BCL2L1: variants seen among roughly 807,000 people sequenced by gnomAD.
BCL2L1 encodes bcl-2-like protein 1.
BCL2L1 carries 1 observed loss-of-function variant against 18.7 expected under a neutral mutation model. The observed-to-expected ratio is 0.05, with a 90% CI of 0.02 to 0.25. BCL2L1 has a LOEUF of 0.25. Ranked by LOEUF, BCL2L1 falls within the 10% of genes least tolerant of loss-of-function variation. The pLI, the probability that BCL2L1 is intolerant of heterozygous loss-of-function variation, is 1.00. For synonymous variants in BCL2L1, 103 were observed against 122.7 expected (o/e 0.84, Z 1.06); for missense variants, 207 against 304.9 (o/e 0.68, Z 2.39).
rs145474847 is a variant in BCL2L1 at position 31,667,529 on chromosome 20, A to C, written c.565-1443T>G. Among the ~76,000 whole-genome samples the C allele has an allele frequency of 1.4e-3, 134 of 94,428 alleles. 3 individuals carry two copies. The East Asian group carries it at 0.025, about 18-fold the overall frequency. The allele number at this position is 94,428 out of a possible 152,430, so 61.9% of individuals were successfully genotyped here. A position where few individuals can be genotyped will look rare whatever the true frequency, so the allele number is the denominator to read the frequency against. The stretch of plus-strand genomic sequence containing the variant: ...TGTGTGTGTGTAAAATGAATGAGTT[A>C]CTGGCTGGTTCTTGCCTCTCTACCA... On this transcript the variant is annotated intron_variant, in intron 2 of 2. Coordinates refer to ENST00000307677, the MANE Select transcript of BCL2L1 (RefSeq NM_138578.3).
At chr20:31,688,904 C>T (rs2061008464) in intron 2 of BCL2L1, among the ~76,000 whole-genome samples, 1 of 152,102 alleles carries the variant, frequency 6.6e-6, no homozygotes, top group Non-Finnish European at 1.5e-5. Context: ...ATATTTGCAT[C>T]CTATGACAAC....
At chr20:31,676,384 G>GC (rs2060761461) in intron 2 of BCL2L1, among the ~76,000 whole-genome samples, 1 of 152,150 alleles carries the variant, frequency 6.6e-6, no homozygotes, top group Non-Finnish European at 1.5e-5. Flanking sequence ...GGTCACAGAG[G>GC]CCACAAGTGG....
rs746078107 is a variant in BCL2L1 at position 31,719,328 on chromosome 20, T to C, written c.564+2327A>G. On this transcript the variant is annotated intron_variant, in intron 2 of 2. Transcript: ENST00000307677. ...ATTTAGAACATAGCCCTGAGTAGAA[T>C]AGCCCATAACTCCTACCCTTAAGGA... 1.2e-4 allele frequency among the ~76,000 whole-genome samples: 18 copies of C among 152,126 alleles called. 1 individual carries two copies. The highest frequency in any genetic ancestry group is 8.3e-4 in the South Asian group (4 of 4,832).
chr20:31,671,248 G>A (rs894558496), intron 2 of BCL2L1, among the ~76,000 whole-genome samples: 1 of 152,056 alleles, frequency 6.6e-6, no homozygotes, highest in Admixed American at 6.5e-5. Flanking sequence ...TTCCACTGCT[G>A]GTTTGTAGTA....
In BCL2L1 at chr20:31,665,821, C is replaced by G; in HGVS notation, c.*128G>C. 10 of 1,311,902 alleles carry G rather than the reference C, an allele frequency of 7.6e-6. No individual in the cohort carries two copies. The highest frequency in any genetic ancestry group is 1.1e-5 in the Non-Finnish European group (10 of 952,010). The allele number at this position is 1,311,902 out of a possible 1,614,324, so 81.3% of individuals were successfully genotyped here. On this transcript the variant is annotated 3_prime_UTR_variant, in exon 3 of 3. Transcript: ENST00000307677. ...AGCTGCAAGGGACCAGATCTGGGCC[C>G]AACCCTGTGATGGGCAGGTGGGCAT...
chr20:31,689,633 G>T (rs1240321705), intron 2 of BCL2L1, among the ~76,000 whole-genome samples: 1 of 152,096 alleles, frequency 6.6e-6, no homozygotes, highest in Admixed American at 6.5e-5. Context: ...TCTCTTCCAT[G>T]CCTGCTAAGA....
chr20:31,664,795 T>A lies in BCL2L1; in HGVS notation c.*1154A>T. 4.5e-6 allele frequency: 1 copy of A among 222,396 alleles called. No homozygotes were observed. Among genetic ancestry groups the A allele is most frequent in the Non-Finnish European group, 9.0e-6 (1 of 110,738 alleles). The allele number at this position is 222,396 out of a possible 1,614,324, so 13.8% of individuals were successfully genotyped here. A position where few individuals can be genotyped will look rare whatever the true frequency, so the allele number is the denominator to read the frequency against. On this transcript the variant is annotated 3_prime_UTR_variant, in exon 3 of 3. Transcript: ENST00000307677. ...GAGAGCCCGGGGTGGCTGGGACCCC[T>A]GGGGATGAGACAGGCCAAGGGTGGA...
chr20:31,720,881 AAGTAAC>A (rs1440493320), intron 2 of BCL2L1: 1 of 985,288 alleles, frequency 1.0e-6, no homozygotes, highest in Non-Finnish European at 1.2e-6. Flanking sequence ...TCTGGCCGGA[AAGTAAC>A]AGGCAGAGCA....
intron 2 of BCL2L1, among the ~76,000 whole-genome samples, chr20:31,688,261 T>C (rs554741971): frequency 1.3e-5 from 2 of 151,782 alleles, no homozygotes; most frequent in Admixed American, 6.6e-5. Context: ...CTGGCGAACA[T>C]AGCAAAACCC....
At chr20:31,692,085 T>C (rs1035692562) in intron 2 of BCL2L1, among the ~76,000 whole-genome samples, 3 of 152,226 alleles carry the variant, frequency 2.0e-5, no homozygotes, top group Non-Finnish European at 4.4e-5. Flanking sequence ...AGCTGAGAAG[T>C]TGTTAGAAGT....
intron 2 of BCL2L1, among the ~76,000 whole-genome samples, chr20:31,683,133 G>C (rs958019203): frequency 4.6e-5 from 7 of 152,080 alleles, no homozygotes; most frequent in African/African-American, 1.7e-4. Flanking sequence ...ATCTCACCCA[G>C]AGGAAGAACC....
At chr20:31,688,228 G>C (rs1600817745) in intron 2 of BCL2L1, among the ~76,000 whole-genome samples, 2 of 152,194 alleles carry the variant, frequency 1.3e-5, no homozygotes, top group African/African-American at 2.4e-5. Flanking sequence ...TGGATCACCT[G>C]AAGTCTGGAG....
intron 2 of BCL2L1, among the ~76,000 whole-genome samples, chr20:31,696,638 A>G (rs1314928290): frequency 6.6e-6 from 1 of 152,216 alleles, no homozygotes; most frequent in African/African-American, 2.4e-5. Context: ...GAGGCCAGAC[A>G]CTGCTGGCTA....
chr20:31,723,539 C>T, upstream of BCL2L1: 6 of 984,674 alleles, frequency 6.1e-6, no homozygotes, highest in Non-Finnish European at 7.2e-6. Flanking sequence ...CGGGTACCCG[C>T]CGAGCCACCG....
chr20:31,723,196 C>A (rs1388603580), upstream of BCL2L1: 2 of 807,860 alleles, frequency 2.5e-6, no homozygotes, highest in Non-Finnish European at 3.0e-6. Context: ...GGCCGGAGAC[C>A]CCCAACAAAT....
intron 2 of BCL2L1, among the ~76,000 whole-genome samples, chr20:31,714,414 G>A (rs952158525): frequency 4.6e-5 from 7 of 152,220 alleles, no homozygotes; most frequent in African/African-American, 1.7e-4. Flanking sequence ...GCTCTGAGAT[G>A]TGCTGATGGG....
In BCL2L1 at chr20:31,664,579, G is replaced by A. The variant is rs2060557305; in HGVS notation, c.*1370C>T. 2 of 204,896 alleles carry A rather than the reference G, an allele frequency of 9.8e-6. No individual in the cohort carries two copies. Among genetic ancestry groups the A allele is most frequent in the Non-Finnish European group, 2.0e-5 (2 of 99,694 alleles). 12.7% of individuals were successfully genotyped at this position (204,896 alleles called of 1,614,324 possible). A position where few individuals can be genotyped will look rare whatever the true frequency, so the allele number is the denominator to read the frequency against. On this transcript the variant is annotated 3_prime_UTR_variant, in exon 3 of 3. Coordinates refer to ENST00000307677, the MANE Select transcript of BCL2L1 (RefSeq NM_138578.3). The stretch of plus-strand genomic sequence containing the variant: ...AGGGGCAGATGCCCCTCAGGAGCCA[G>A]GACCCTCGGCCAGCTTCCCTGGACC...
chr20:31,686,938 A>G (rs2060966608), intron 2 of BCL2L1, among the ~76,000 whole-genome samples: 1 of 152,202 alleles, frequency 6.6e-6, no homozygotes, highest in Non-Finnish European at 1.5e-5. Flanking sequence ...TTAGGACTAT[A>G]ATTTAACTTA....
intron 2 of BCL2L1, among the ~76,000 whole-genome samples, chr20:31,702,971 T>G: frequency 6.6e-6 from 1 of 151,480 alleles, no homozygotes; most frequent in Admixed American, 6.6e-5. Flanking sequence ...AAGTCTGGGT[T>G]TTATTCTAAC....
Sources: allele counts gnomAD v4.1 joint callset (sites outside exome capture counted in the v4.1 genomes callset), GRCh38; gene constraint gnomAD v4.1.1; transcripts MANE v1.5; gene names NCBI Gene and HGNC (gene_info 2026-07-23, HGNC 2026-07-21).